The following NLK variants were observed in gnomAD, a reference collection of about 807,000 sequenced individuals.
NLK encodes nemo like kinase, also known as serine/threonine-protein kinase NLK.
Under a neutral mutation model 59.0 loss-of-function variants are expected in NLK, and 11 were observed. The observed-to-expected ratio is 0.19, with a 90% CI of 0.12 to 0.31. The LOEUF (loss-of-function observed/expected upper bound fraction) is 0.31. Ranked by LOEUF, NLK falls within the 10% of genes least tolerant of loss-of-function variation. The pLI, the probability that NLK is intolerant of heterozygous loss-of-function variation, is 1.00. For synonymous variants in NLK, 235 were observed against 235.9 expected, an observed-to-expected ratio of 1.00 and a Z score of 0.03; for missense variants, 410 against 661.1, an observed-to-expected ratio of 0.62 and a Z score of 4.16.
chr17:28,102,539 T>C (rs1422813389), intron 1 of NLK, among the ~76,000 whole-genome samples: 1 of 150,820 alleles, frequency 6.6e-6, no homozygotes, highest in Non-Finnish European at 1.5e-5. Flanking sequence ...GTCCCAGCTA[T>C]GCGGGAGGCT....
chr17:28,092,889 G>A (rs984527007), intron 1 of NLK, among the ~76,000 whole-genome samples: 9 of 151,748 alleles, frequency 5.9e-5, no homozygotes, highest in African/African-American at 1.5e-4. Context: ...TCCGCCTCCC[G>A]GGTTCAAACA....
intron 10 of NLK, among the ~76,000 whole-genome samples, chr17:28,193,891 CAGTT>C (rs1260647862): frequency 6.6e-6 from 1 of 152,210 alleles, no homozygotes; most frequent in Non-Finnish European, 1.5e-5. Context: ...GTGACCCAGT[CAGTT>C]AGGCAGTTTA....
At chr17:28,198,987 G>A (rs1909553407), downstream of NLK, among the ~76,000 whole-genome samples, 1 of 152,200 alleles carries the variant, frequency 6.6e-6, no homozygotes, top group South Asian at 2.1e-4. Context: ...AAATTGAGAA[G>A]TCAGAAGGTT....
At chr17:28,193,629 T>C (rs1909388279) in intron 10 of NLK, among the ~76,000 whole-genome samples, 1 of 152,186 alleles carries the variant, frequency 6.6e-6, no homozygotes, top group Admixed American at 6.5e-5. Context: ...ATATGAGTGG[T>C]CACACAGTCT....
chr17:28,058,773 T>G (rs1269729751), intron 1 of NLK, among the ~76,000 whole-genome samples: 4 of 152,134 alleles, frequency 2.6e-5, no homozygotes, highest in African/African-American at 9.7e-5. Context: ...CATCTCTATG[T>G]AAAAAAGGAA....
intron 1 of NLK, chr17:28,061,894 C>CATATACATATATATAATATATACAT (rs1189862013): frequency 3.3e-4 from 45 of 135,678 alleles, no homozygotes; most frequent in African/African-American, 1.3e-3. Flanking sequence ...TACATATATA[C>CATATACATATATATAATATATACAT]ATATACATAC....
intron 1 of NLK, among the ~76,000 whole-genome samples, chr17:28,121,088 T>C (rs909646379): frequency 3.3e-5 from 5 of 149,708 alleles, no homozygotes; most frequent in Non-Finnish European, 7.4e-5. Flanking sequence ...TTCTTTTTTC[T>C]TTTTTTTGAA....
At chr17:28,151,499 C>A (rs1907477925) in intron 3 of NLK, among the ~76,000 whole-genome samples, 1 of 152,014 alleles carries the variant, frequency 6.6e-6, no homozygotes. Context: ...GTTGACAAAA[C>A]GTATTCTCTG....
intron 1 of NLK, among the ~76,000 whole-genome samples, chr17:28,063,347 T>C (rs1156510045): frequency 6.6e-6 from 1 of 152,232 alleles, no homozygotes; most frequent in Non-Finnish European, 1.5e-5. Context: ...ACTCTCAATG[T>C]TGGATACTTC....
intron 3 of NLK, among the ~76,000 whole-genome samples, chr17:28,135,079 T>C (rs922716268): frequency 2.6e-5 from 4 of 152,226 alleles, no homozygotes; most frequent in Non-Finnish European, 4.4e-5. Context: ...TTCTTTTTAG[T>C]TGGTGGGAAA....
At chr17:28,091,134 A>G (rs983508284) in intron 1 of NLK, among the ~76,000 whole-genome samples, 9 of 152,318 alleles carry the variant, frequency 5.9e-5, no homozygotes, top group African/African-American at 1.9e-4. Context: ...ATAAATTGTA[A>G]AAACAAGGCT....
chr17:28,084,215 A>G (rs556230972), intron 1 of NLK, among the ~76,000 whole-genome samples: 1 of 152,296 alleles, frequency 6.6e-6, no homozygotes, highest in South Asian at 2.1e-4. Context: ...CTGCAAAGTG[A>G]AAGTAAAAGA....
chr17:28,163,438 G>A, intron 4 of NLK, 105 bp from the exon 5 acceptor site: 2 of 653,900 alleles, frequency 3.1e-6, no homozygotes, highest in Non-Finnish European at 2.7e-6. Flanking sequence ...AGTTATTTAG[G>A]GAACAATTTT....
chr17:28,102,043 T>G (rs1904920164), intron 1 of NLK, among the ~76,000 whole-genome samples: 1 of 152,232 alleles, frequency 6.6e-6, no homozygotes, highest in African/African-American at 2.4e-5. Context: ...ATAGACAGCA[T>G]ATGATTGGGT....
intron 1 of NLK, among the ~76,000 whole-genome samples, chr17:28,059,343 T>C (rs1483646367): frequency 6.6e-6 from 1 of 152,138 alleles, no homozygotes; most frequent in Non-Finnish European, 1.5e-5. Flanking sequence ...AAATAGTATA[T>C]GGTAACCAAC....
At chr17:28,138,784 A>T (rs1906865658) in intron 3 of NLK, among the ~76,000 whole-genome samples, 1 of 152,192 alleles carries the variant, frequency 6.6e-6, no homozygotes, top group South Asian at 2.1e-4. Flanking sequence ...ACATTCAGGA[A>T]ATTCTGTTTT....
chr17:28,110,449 C>T (rs948583665), intron 1 of NLK, among the ~76,000 whole-genome samples: 2 of 147,642 alleles, frequency 1.4e-5, no homozygotes, highest in African/African-American at 4.9e-5. Flanking sequence ...ATTGTCTAGG[C>T]GTGGATCTCT....
intron 3 of NLK, among the ~76,000 whole-genome samples, chr17:28,145,855 G>A (rs1367414149): frequency 6.6e-6 from 1 of 151,998 alleles, no homozygotes; most frequent in Non-Finnish European, 1.5e-5. Context: ...ACAGGTGCCC[G>A]CAACCACACC....
intron 3 of NLK, among the ~76,000 whole-genome samples, chr17:28,144,415 A>C (rs941695988): frequency 6.6e-6 from 1 of 151,596 alleles, no homozygotes; most frequent in Non-Finnish European, 1.5e-5. Flanking sequence ...AAAAAAAAAA[A>C]CTAAAGCTTG....
Sources: gnomAD v4.1 joint callset for allele counts (sites outside exome capture counted in the v4.1 genomes callset) on GRCh38, gnomAD v4.1.1 for gene constraint, MANE v1.5 for transcripts, NCBI Gene and HGNC (gene_info 2026-07-23, HGNC 2026-07-21) for gene names.